CALN1: variants seen among roughly 807,000 people sequenced by gnomAD.
CALN1 encodes calcium-binding protein 8.
Under a neutral mutation model 30.6 loss-of-function variants are expected in CALN1, and 17 were observed. The ratio of observed to expected loss-of-function variants is 0.56; its 90% CI spans 0.38 to 0.83. The LOEUF (loss-of-function observed/expected upper bound fraction) is 0.83, where lower values mean the gene tolerates loss of function less well. CALN1 is among the 40% of genes least tolerant of loss of function. The pLI is 0.00. For synonymous variants in CALN1, 156 were observed against 131.4 expected, an observed-to-expected ratio of 1.19 and a Z score of -1.28; for missense variants, 291 against 354.9, an observed-to-expected ratio of 0.82 and a Z score of 1.45.
chr7:72,201,601 GA>G (rs906017610), intron 3 of CALN1, among the ~76,000 whole-genome samples: 6 of 150,978 alleles, frequency 4.0e-5, no homozygotes, highest in African/African-American at 1.5e-4. Context: ...AAAAAAGAAA[GA>G]AAAAAAAGAA....
chr7:71,892,018 A>G (rs902700826), intron 5 of CALN1, among the ~76,000 whole-genome samples: 2 of 152,180 alleles, frequency 1.3e-5, no homozygotes, highest in African/African-American at 4.8e-5. Flanking sequence ...TATATAGACT[A>G]GAAGCTTGAG....
intron 3 of CALN1, among the ~76,000 whole-genome samples, chr7:72,148,933 AAAAG>A (rs1160775126): frequency 2.0e-5 from 3 of 149,940 alleles, no homozygotes; most frequent in Admixed American, 6.7e-5. Context: ...AGAAAGAAAA[AAAAG>A]AAGGAAGGAA....
chr7:72,373,554 A>C (rs901218447), intron 2 of CALN1, among the ~76,000 whole-genome samples: 2 of 152,204 alleles, frequency 1.3e-5, no homozygotes, highest in African/African-American at 4.8e-5. Flanking sequence ...TTATTATAAA[A>C]TAGGCTTGTG....
chr7:72,364,437 A>G (rs1021844947), intron 2 of CALN1, among the ~76,000 whole-genome samples: 46 of 152,326 alleles, frequency 3.0e-4, no homozygotes, highest in African/African-American at 1.1e-3. Flanking sequence ...GAGAAGAAAT[A>G]AAAATGTTTA....
chr7:72,039,217 G>A (rs1220637246), intron 4 of CALN1, among the ~76,000 whole-genome samples: 6 of 152,234 alleles, frequency 3.9e-5, no homozygotes, highest in Non-Finnish European at 8.8e-5. Context: ...TATCTAGCCA[G>A]ATGAACTCAT....
intron 3 of CALN1, among the ~76,000 whole-genome samples, chr7:72,163,052 G>A (rs1434647195): frequency 6.6e-6 from 1 of 152,218 alleles, no homozygotes; most frequent in African/African-American, 2.4e-5. Context: ...AGAGATTTCA[G>A]CTGCCGCCCT....
intron 3 of CALN1, among the ~76,000 whole-genome samples, chr7:72,159,486 C>A (rs143450793): frequency 6.7e-6 from 1 of 148,634 alleles, no homozygotes; most frequent in Non-Finnish European, 1.5e-5. Context: ...GGCAACAGAG[C>A]GAGACCCTGT....
chr7:71,809,012 T>C (rs1004030656), intron 6 of CALN1, among the ~76,000 whole-genome samples: 47 of 152,164 alleles, frequency 3.1e-4, no homozygotes, highest in African/African-American at 1.0e-3. Context: ...AATACAGTCA[T>C]TGATGCTATC....
chr7:72,217,535 CTAAGTCGT>C (rs1161284885), intron 3 of CALN1, among the ~76,000 whole-genome samples: 2 of 152,122 alleles, frequency 1.3e-5, no homozygotes, highest in Non-Finnish European at 2.9e-5. Context: ...ACTGAAGACA[CTAAGTCGT>C]GCCAGATGAA....
At chr7:72,231,138 T>C (rs1398790675) in intron 3 of CALN1, among the ~76,000 whole-genome samples, 2 of 152,150 alleles carry the variant, frequency 1.3e-5, no homozygotes, top group African/African-American at 4.8e-5. Context: ...TAATTTTTAT[T>C]TTAAGTTCTG....
intron 5 of CALN1, among the ~76,000 whole-genome samples, chr7:71,883,002 G>T (rs991505696): frequency 1.3e-5 from 2 of 151,882 alleles, no homozygotes; most frequent in Admixed American, 1.3e-4. Flanking sequence ...GGCATGAGCC[G>T]CCACACCCAG....
At chr7:72,180,140 C>T (rs1789657092) in intron 3 of CALN1, among the ~76,000 whole-genome samples, 1 of 152,112 alleles carries the variant, frequency 6.6e-6, no homozygotes, top group Non-Finnish European at 1.5e-5. Context: ...ATTCCAGAAG[C>T]CCACGGGGTA....
At chr7:72,413,860 AC>A (rs1807335630), upstream of CALN1, among the ~76,000 whole-genome samples, 1 of 138,166 alleles carries the variant, frequency 7.2e-6, no homozygotes, top group Non-Finnish European at 1.5e-5. Flanking sequence ...CATCACACAC[AC>A]TCGTATACAC....
At chr7:72,458,901 G>A in the CALN1 span, among the ~76,000 whole-genome samples, 1 of 137,156 alleles carries the variant, frequency 7.3e-6, no homozygotes, top group East Asian at 2.1e-4. Context: ...GGTTTTTTTG[G>A]GGTTTTTTGT....
intron 3 of CALN1, among the ~76,000 whole-genome samples, chr7:72,156,358 C>T (rs751226723): frequency 6.6e-6 from 1 of 152,206 alleles, no homozygotes; most frequent in Non-Finnish European, 1.5e-5. Context: ...ATACAGAATG[C>T]TGTGAAGAGC....
Position 72,391,438 on chromosome 7 carries a change from T to G in CALN1, c.119+11813A>C, listed in dbSNP as rs533440563. On this transcript the variant is annotated intron_variant, in intron 2 of 6. Transcript: ENST00000395275. ...AAGACACCAGAAGATCCCAAAGAGG[T>G]GCACTGCTAGGACCAGGCAGCAAAA... Among the ~76,000 whole-genome samples the G allele has an allele frequency of 8.5e-3, 1,297 of 152,028 alleles. 6 individuals are homozygous for G. The highest frequency in any genetic ancestry group is 0.013 in the Non-Finnish European group (857 of 67,974).
intron 3 of CALN1, among the ~76,000 whole-genome samples, chr7:72,133,854 A>C (rs1809327483): frequency 6.6e-6 from 1 of 152,250 alleles, no homozygotes; most frequent in African/African-American, 2.4e-5. Context: ...AGACAAATCC[A>C]AAATGAGGAA....
the CALN1 span, among the ~76,000 whole-genome samples, chr7:72,501,549 G>C: frequency 7.4e-6 from 1 of 134,938 alleles, no homozygotes; most frequent in South Asian, 2.6e-4. Flanking sequence ...AGGAAGGAGG[G>C]AGGGAGGGAG....
intron 2 of CALN1, among the ~76,000 whole-genome samples, chr7:72,283,429 G>A (rs752176589): frequency 1.3e-5 from 2 of 152,046 alleles, no homozygotes; most frequent in Non-Finnish European, 2.9e-5. Flanking sequence ...TAGCTACTCC[G>A]GAGGCTGAAG....
Sources: gnomAD v4.1 joint callset for allele counts (sites outside exome capture counted in the v4.1 genomes callset) on GRCh38, gnomAD v4.1.1 for gene constraint, MANE v1.5 for transcripts, NCBI Gene and HGNC (gene_info 2026-07-23, HGNC 2026-07-21) for gene names.